PAM: variants seen among roughly 807,000 people sequenced by gnomAD.
The protein encoded by PAM is peptidylglycine alpha-amidating monooxygenase.
In PAM, 72 loss-of-function variants were observed where a neutral mutation model predicts 122.1. The observed-to-expected ratio is 0.59, with a 90% confidence interval of 0.49 to 0.72. PAM has a LOEUF of 0.72. Ranked by LOEUF, PAM falls within the 30% of genes least tolerant of loss-of-function variation. The pLI is 0.00. For missense variants in PAM, 1,106 were observed against 1,183.7 expected (o/e 0.93, Z 0.96); for synonymous variants, 389 against 404.4 (o/e 0.96, Z 0.46).
At chr5:102,925,069 T>A in intron 6 of PAM, 27 bp downstream of exon 6, 1 of 1,052,466 alleles carries the variant, frequency 9.5e-7, no homozygotes, top group Non-Finnish European at 1.5e-6. Context: ...TGGGTGGTCT[T>A]ATGTTCAGCT....
In PAM at chr5:102,945,106, A is replaced by G. The variant is rs74487364; in HGVS notation, c.527-1731A>G. On this transcript the variant is annotated intron_variant, in intron 7 of 25. Coordinates refer to ENST00000438793, the MANE Select transcript of PAM (RefSeq NM_001177306.2). ...ACTAAGCATTTAGTGATTTTTTCCT[A>G]TGCTCTAAATAGAGTGCTAAGTTCT... Among the ~76,000 whole-genome samples, 135 of 152,218 alleles carry G rather than the reference A, an allele frequency of 8.9e-4. 5 individuals are homozygous for G. In the East Asian group the frequency reaches 0.022, roughly 25 times the overall value.
chr5:103,005,118 A>G, intron 17 of PAM, 36 bp from the exon 18 acceptor site: 2 of 1,246,322 alleles, frequency 1.6e-6, no homozygotes, highest in Non-Finnish European at 2.4e-6. Flanking sequence ...CCTTGAGAGT[A>G]AATGTGTAAT....
intron 3 of PAM, among the ~76,000 whole-genome samples, chr5:102,892,570 TAAAGA>T (rs889766058): frequency 5.3e-5 from 8 of 151,956 alleles, no homozygotes; most frequent in African/African-American, 1.4e-4. Context: ...ATAATCCCAA[TAAAGA>T]AAAGAGCTAT....
At position 102,921,624 on chromosome 5, in the gene PAM, G is replaced by T. The variant is rs113565062; in HGVS notation, c.357-3333G>T. Among the ~76,000 whole-genome samples, 775 of 152,030 alleles carry T rather than the reference G, an allele frequency of 5.1e-3. 7 individuals carry two copies. Among genetic ancestry groups the T allele is most frequent in the African/African-American group, 0.018 (742 of 41,480 alleles). On this transcript the variant is annotated intron_variant, in intron 5 of 25. Coordinates refer to ENST00000438793, the MANE Select transcript of PAM (RefSeq NM_001177306.2). ...TTAAAAATTAAACCAATGTTTGCTTGGAAGCTCTTATTTACCAGACCTGAT... is the reference window on the plus strand; with the variant it reads ...TTAAAAATTAAACCAATGTTTGCTTTGAAGCTCTTATTTACCAGACCTGAT...
intron 21 of PAM, among the ~76,000 whole-genome samples, chr5:103,013,924 T>G (rs1019593765): frequency 2.6e-5 from 4 of 152,124 alleles, no homozygotes; most frequent in African/African-American, 7.2e-5. Flanking sequence ...TCTAGAAATA[T>G]TTCACCAGAA....
intron 16 of PAM, among the ~76,000 whole-genome samples, chr5:102,994,165 C>A (rs1426942228): frequency 1.3e-5 from 2 of 152,104 alleles, no homozygotes; most frequent in African/African-American, 2.4e-5. Flanking sequence ...TCTTCTACAG[C>A]AACTTCAACC....
chr5:102,817,444 T>G (rs1370254306), intron 1 of PAM, among the ~76,000 whole-genome samples: 1 of 152,170 alleles, frequency 6.6e-6, no homozygotes. Context: ...TGGTACAATA[T>G]TTCATTAATA....
chr5:102,903,906 C>G (rs769059609), intron 4 of PAM, among the ~76,000 whole-genome samples: 34 of 151,572 alleles, frequency 2.2e-4, no homozygotes, highest in Non-Finnish European at 4.6e-4. Context: ...CCTTCACTCC[C>G]TACTGGATAC....
chr5:102,883,142 C>A (rs1791849531), intron 3 of PAM, among the ~76,000 whole-genome samples: 1 of 151,858 alleles, frequency 6.6e-6, no homozygotes, highest in African/African-American at 2.4e-5. Flanking sequence ...AGTTTGAAGT[C>A]AGGTAATGTA....
chr5:102,802,969 A>T lies in PAM; in HGVS notation c.-374+47621A>T, dbSNP rs1404495322. ...CCCATCTCTACACACAAAAAACATT[A>T]AAAAATTGCCAGGTGTGGTGGTGCA... On this transcript the variant is annotated intron_variant, in intron 1 of 25. Transcript: ENST00000438793. Among the ~76,000 whole-genome samples the T allele has an allele frequency of 2.0e-5, 3 of 152,230 alleles. No homozygotes were observed. In the East Asian group the frequency reaches 5.8e-4, roughly 29 times the overall value.
At chr5:102,924,006 G>A (rs910346345) in intron 5 of PAM, among the ~76,000 whole-genome samples, 48 of 152,062 alleles carry the variant, frequency 3.2e-4, no homozygotes, top group African/African-American at 9.7e-4. Flanking sequence ...CCTGTTTTCC[G>A]TGAGAGAAAA....
At chr5:102,841,474 C>T (rs933500276) in intron 1 of PAM, among the ~76,000 whole-genome samples, 5 of 150,812 alleles carry the variant, frequency 3.3e-5, no homozygotes, top group African/African-American at 1.2e-4. Context: ...GTGCAGTCTG[C>T]ATTTTTTCTG....
chr5:102,953,318 G>A (rs1759578032), intron 12 of PAM, among the ~76,000 whole-genome samples: 1 of 152,070 alleles, frequency 6.6e-6, no homozygotes, highest in South Asian at 2.1e-4. Flanking sequence ...GTCCATAAAT[G>A]GATGAATGCA....
At chr5:102,952,271 G>A (rs1380604983) in intron 12 of PAM, among the ~76,000 whole-genome samples, 1 of 152,110 alleles carries the variant, frequency 6.6e-6, no homozygotes. Context: ...CTGTCTGTGA[G>A]GTAATATCTG....
At chr5:102,970,330 C>T (rs1765424436) in intron 14 of PAM, among the ~76,000 whole-genome samples, 1 of 152,158 alleles carries the variant, frequency 6.6e-6, no homozygotes, top group South Asian at 2.1e-4. Context: ...AAGTACTCAG[C>T]CCCATGTGTC....
chr5:103,028,178 T>A lies in PAM; in HGVS notation c.2690-7T>A. On this transcript the variant is annotated splice_region_variant and splice_polypyrimidine_tract_variant and intron_variant, in intron 24 of 25. Coordinates refer to ENST00000438793, the MANE Select transcript of PAM (RefSeq NM_001177306.2). ...TCATTTTGAAATGTGCCATCTTTTTTTAGCAGATTCTGAACACAAACTCGA... is the reference window on the plus strand; with the variant it reads ...TCATTTTGAAATGTGCCATCTTTTTATAGCAGATTCTGAACACAAACTCGA... 6.2e-7 allele frequency: 1 copy of A among 1,611,196 alleles called. No homozygotes were observed. Among genetic ancestry groups the A allele is most frequent in the Non-Finnish European group, 8.5e-7 (1 of 1,177,594 alleles).
chr5:102,822,645 A>C (rs1252902785), intron 1 of PAM, among the ~76,000 whole-genome samples: 1 of 152,196 alleles, frequency 6.6e-6, no homozygotes, highest in Admixed American at 6.5e-5. Context: ...TTATTAAAAC[A>C]GACCCAGTTC....
chr5:102,906,842 G>A (rs553733956), intron 4 of PAM, among the ~76,000 whole-genome samples: 30 of 151,778 alleles, frequency 2.0e-4, no homozygotes, highest in African/African-American at 7.0e-4. Flanking sequence ...AAAGGCTAAG[G>A]GTATGGGCTT....
At chr5:102,896,458 A>G (rs1418540115) in intron 3 of PAM, among the ~76,000 whole-genome samples, 2 of 151,726 alleles carry the variant, frequency 1.3e-5, no homozygotes, top group Non-Finnish European at 3.0e-5. Context: ...CAAAAGAAGT[A>G]GATAAGTGCA....
Sources: gnomAD v4.1 joint callset for allele counts (sites outside exome capture counted in the v4.1 genomes callset) on GRCh38, gnomAD v4.1.1 for gene constraint, MANE v1.5 for transcripts, NCBI Gene and HGNC (gene_info 2026-07-23, HGNC 2026-07-21) for gene names.